Variants in GRM7 observed in about 807,000 individuals in gnomAD.
GRM7 encodes the protein metabotropic glutamate receptor 7.
Under a neutral mutation model 84.5 loss-of-function variants are expected in GRM7, and 35 were observed. That is an observed-to-expected ratio of 0.41 (90% confidence interval 0.32 to 0.55). The LOEUF (loss-of-function observed/expected upper bound fraction) is 0.55. GRM7 is among the 20% of genes least tolerant of loss of function. The probability of loss-of-function intolerance (pLI) is 0.19; values close to 1 mark genes in which losing one functional copy is unlikely to be tolerated. For synonymous variants in GRM7, 487 were observed against 455.1 expected (o/e 1.07, Z -0.89); for missense variants, 1,003 against 1,194.6 (o/e 0.84, Z 2.36).
chr3:7,005,969 G>C (rs905088036), intron 1 of GRM7, among the ~76,000 whole-genome samples: 1 of 152,138 alleles, frequency 6.6e-6, no homozygotes, highest in South Asian at 2.1e-4. Flanking sequence ...CTCAGGTAAC[G>C]AAGGGGATAT....
chr3:7,553,085 TTGC>T, intron 7 of GRM7, among the ~76,000 whole-genome samples: 1 of 152,322 alleles, frequency 6.6e-6, no homozygotes, highest in Non-Finnish European at 1.5e-5. Context: ...CTTGAATGCT[TTGC>T]TGCTTATAAA....
intron 2 of GRM7, among the ~76,000 whole-genome samples, chr3:7,229,330 ATTAAT>A (rs1421793743): frequency 6.6e-6 from 1 of 152,078 alleles, no homozygotes; most frequent in Non-Finnish European, 1.5e-5. Context: ...CCACATGTTA[ATTAAT>A]TTAATTCTCA....
intron 1 of GRM7, among the ~76,000 whole-genome samples, chr3:6,913,527 A>G (rs1053041574): frequency 2.0e-5 from 3 of 152,002 alleles, no homozygotes; most frequent in Non-Finnish European, 4.4e-5. Flanking sequence ...AATTTGATGT[A>G]CTCTATTCTT....
At chr3:7,050,500 G>T (rs1180776450) in intron 1 of GRM7, among the ~76,000 whole-genome samples, 2 of 151,792 alleles carry the variant, frequency 1.3e-5, no homozygotes, top group Non-Finnish European at 2.9e-5. Context: ...CAGACTTGGG[G>T]TTACTTCTCT....
chr3:7,298,007 T>A (rs764477666), intron 2 of GRM7, among the ~76,000 whole-genome samples: 24 of 152,206 alleles, frequency 1.6e-4, no homozygotes, highest in Non-Finnish European at 3.2e-4. Flanking sequence ...AGTTAACATA[T>A]CTCTATTCCT....
chr3:7,065,410 C>G (rs1483372385), intron 1 of GRM7, among the ~76,000 whole-genome samples: 2 of 151,884 alleles, frequency 1.3e-5, no homozygotes, highest in East Asian at 3.9e-4. Context: ...CTGCATGTAG[C>G]TAGCCAATTA....
chr3:7,099,025 G>T (rs1698956526), intron 1 of GRM7, among the ~76,000 whole-genome samples: 1 of 151,508 alleles, frequency 6.6e-6, no homozygotes, highest in Non-Finnish European at 1.5e-5. Flanking sequence ...CTTAACCACT[G>T]TTACTAAGTT....
intron 8 of GRM7, among the ~76,000 whole-genome samples, chr3:7,658,879 A>G (rs1350423172): frequency 6.6e-6 from 1 of 152,210 alleles, no homozygotes; most frequent in Non-Finnish European, 1.5e-5. Context: ...ATTCTAATTT[A>G]TAAAAAGATA....
At chr3:7,103,075 G>T (rs1699168433) in intron 1 of GRM7, among the ~76,000 whole-genome samples, 1 of 151,586 alleles carries the variant, frequency 6.6e-6, no homozygotes, top group Admixed American at 6.6e-5. Context: ...TTTCCCTCTT[G>T]ATAATGTAAC....
At chr3:7,176,640 C>T (rs1237258315) in intron 2 of GRM7, among the ~76,000 whole-genome samples, 1 of 152,084 alleles carries the variant, frequency 6.6e-6, no homozygotes, top group Non-Finnish European at 1.5e-5. Context: ...TGAATTTTAC[C>T]CTTCCAGGCA....
intron 1 of GRM7, among the ~76,000 whole-genome samples, chr3:6,989,710 G>A (rs1042841337): frequency 6.6e-6 from 1 of 152,188 alleles, no homozygotes; most frequent in Non-Finnish European, 1.5e-5. Flanking sequence ...CCAAAGAGCC[G>A]ATAATTCACA....
chr3:7,651,026 G>A (rs1698911521), intron 8 of GRM7, among the ~76,000 whole-genome samples: 1 of 136,184 alleles, frequency 7.3e-6, no homozygotes, highest in African/African-American at 2.6e-5. Flanking sequence ...GGAAAATTGT[G>A]GGGAAAGAAG....
At chr3:7,217,958 C>T (rs1696669981) in intron 2 of GRM7, among the ~76,000 whole-genome samples, 1 of 151,832 alleles carries the variant, frequency 6.6e-6, no homozygotes, top group Admixed American at 6.6e-5. Flanking sequence ...GTTGATTTCT[C>T]TTAATATTAT....
chr3:7,361,960 GATTCTA>G, intron 4 of GRM7, among the ~76,000 whole-genome samples: 1 of 152,180 alleles, frequency 6.6e-6, no homozygotes, highest in Non-Finnish European at 1.5e-5. Flanking sequence ...AATTTCTGCC[GATTCTA>G]AAGGATAAGA....
At position 7,269,451 on chromosome 3, in the gene GRM7, C is replaced by A. The variant is rs912891396; in HGVS notation, c.737-29233C>A. On this transcript the variant is annotated intron_variant, in intron 2 of 9. Coordinates refer to ENST00000357716, the MANE Select transcript of GRM7 (RefSeq NM_000844.4). ...AAATATTCTGATGCCTGAACCCCCC[C>A]CCCAGAGAGCATGTTTAATTGCTCT... 1.2e-4 allele frequency among the ~76,000 whole-genome samples: 19 copies of A among 152,244 alleles called. 1 individual carries two copies. Among genetic ancestry groups the A allele is most frequent in the South Asian group, 6.2e-4 (3 of 4,822 alleles).
intron 8 of GRM7, among the ~76,000 whole-genome samples, chr3:7,677,003 T>C (rs947118140): frequency 1.3e-5 from 2 of 152,094 alleles, no homozygotes; most frequent in Non-Finnish European, 2.9e-5. Context: ...GGCTCACGCC[T>C]GTAATCCCAG....
intron 1 of GRM7, among the ~76,000 whole-genome samples, chr3:6,891,518 C>A (rs1246092268): frequency 6.6e-6 from 1 of 152,146 alleles, no homozygotes; most frequent in Admixed American, 6.5e-5. Context: ...ATATGAAAAT[C>A]TGGGTTGAAA....
intron 4 of GRM7, among the ~76,000 whole-genome samples, chr3:7,350,866 A>T (rs1040833461): frequency 3.9e-5 from 6 of 152,124 alleles, no homozygotes; most frequent in African/African-American, 1.4e-4. Context: ...AATCATAAGC[A>T]AGCTTTCTCT....
At chr3:7,236,103 T>C (rs923589094) in intron 2 of GRM7, among the ~76,000 whole-genome samples, 2 of 152,060 alleles carry the variant, frequency 1.3e-5, no homozygotes, top group African/African-American at 4.8e-5. Flanking sequence ...ACTAACTGGC[T>C]CCCTCCTCAA....
Sources: gnomAD v4.1 joint callset for allele counts (sites outside exome capture counted in the v4.1 genomes callset) on GRCh38, gnomAD v4.1.1 for gene constraint, MANE v1.5 for transcripts, NCBI Gene and HGNC (gene_info 2026-07-23, HGNC 2026-07-21) for gene names.